The following CLTC variants were observed in gnomAD, a reference collection of about 807,000 sequenced individuals.
CLTC encodes the protein clathrin heavy chain 1.
Under a neutral mutation model 195.8 loss-of-function variants are expected in CLTC, and 16 were observed. The observed-to-expected ratio is 0.08, with a 90% CI of 0.06 to 0.12. CLTC has a LOEUF of 0.12. Ranked by LOEUF, CLTC falls within the 10% of genes least tolerant of loss-of-function variation. The pLI is 1.00. For missense variants in CLTC, 796 were observed against 2,027.0 expected, an observed-to-expected ratio of 0.39 and a Z score of 11.66; for synonymous variants, 667 against 689.4, an observed-to-expected ratio of 0.97 and a Z score of 0.51.
At position 59,666,380 on chromosome 17, in the gene CLTC, CT is replaced by C; in HGVS notation, c.1783-97del. ...GTAGCTATTATAATATTCTTTTGTA[CT>C]TTAACAGTTCACTATTAAACCTTAA... On this transcript the variant is annotated intron_variant, in intron 11 of 31. Transcript: ENST00000269122. The surrounding 1 kb of genome is among the most constrained non-coding windows in gnomAD (Gnocchi z 4.9). The C allele has an allele frequency of 6.7e-7, 1 of 1,486,868 alleles. No individual in the cohort carries two copies. Among genetic ancestry groups the C allele is most frequent in the Non-Finnish European group, 9.2e-7 (1 of 1,091,444 alleles). The allele number at this position is 1,486,868 out of a possible 1,614,324, so 92.1% of individuals were successfully genotyped here.
At chr17:59,671,487 C>T (rs2032846726) in intron 14 of CLTC, among the ~76,000 whole-genome samples, 1 of 152,072 alleles carries the variant, frequency 6.6e-6, no homozygotes, top group Non-Finnish European at 1.5e-5. Flanking sequence ...TGTGTGTTAG[C>T]CACCAGGAAT....
At chr17:59,684,241 G>A in intron 28 of CLTC, 1 of 341,530 alleles carries the variant, frequency 2.9e-6, no homozygotes, top group East Asian at 5.1e-5. Flanking sequence ...CTAGATTGTA[G>A]GTAGAGTCAA....
chr17:59,657,307 A>G (rs2032495005), intron 6 of CLTC, among the ~76,000 whole-genome samples: 1 of 152,122 alleles, frequency 6.6e-6, no homozygotes, highest in African/African-American at 2.4e-5. Flanking sequence ...CATTTACCAT[A>G]CTTATTAAAA....
chr17:59,662,714 C>T (rs907066), intron 8 of CLTC, among the ~76,000 whole-genome samples: 89,954 of 151,976 alleles, frequency 0.59, 29,267 homozygotes, highest in Non-Finnish European at 0.74. Context: ...ATTTGGGATA[C>T]TTGGACAGGA....
intron 1 of CLTC, among the ~76,000 whole-genome samples, chr17:59,640,920 A>G (rs892424796): frequency 4.6e-5 from 7 of 151,900 alleles, no homozygotes; most frequent in Admixed American, 2.0e-4. Context: ...AGAGATCGAG[A>G]CCATTCTGGC....
intron 1 of CLTC, among the ~76,000 whole-genome samples, chr17:59,620,965 A>G (rs1279914803): frequency 2.0e-5 from 3 of 152,030 alleles, no homozygotes; most frequent in Non-Finnish European, 2.9e-5. Flanking sequence ...TACAGAGGTT[A>G]TCTTTTAGTC....
rs756696768 is a variant in CLTC, at chr17:59,664,816, G to A, written c.1551G>A (p.Leu517=). Residue 517 remains leucine (L), a synonymous_variant, in exon 10 of 32, where the codon CTG becomes CTA. Transcript: ENST00000269122. ...GATACACTCCAGATTGGATATTTCTGCTGAGAAATGTAATGCGAATCAGTC... is the reference window on the plus strand; with the variant it reads ...GATACACTCCAGATTGGATATTTCTACTGAGAAATGTAATGCGAATCAGTC... ...KVGYTPDWIF[L]LRNVMRISPD... 6.2e-7 allele frequency: 1 copy of A among 1,614,022 alleles called. No individual in the cohort carries two copies. Among genetic ancestry groups the A allele is most frequent in the South Asian group, 1.1e-5 (1 of 91,078 alleles).
intron 28 of CLTC, chr17:59,684,197 G>GA: frequency 4.2e-6 from 2 of 472,658 alleles, no homozygotes; most frequent in Non-Finnish European, 7.5e-6. Context: ...TACTGCTTTT[G>GA]AAAAAAATGA....
At position 59,666,371 on chromosome 17, in the gene CLTC, T is replaced by C. The variant is rs1385013471; in HGVS notation, c.1783-109T>C. On this transcript the variant is annotated intron_variant, in intron 11 of 31. Coordinates refer to ENST00000269122, the MANE Select transcript of CLTC (RefSeq NM_004859.4). This position sits in a 1 kb window ranked among gnomAD's most constrained non-coding sequence, Gnocchi z 4.9. Reference sequence around the variant, plus strand: ...AAAGAAAATGTAGCTATTATAATATTCTTTTGTACTTTAACAGTTCACTAT... The same window carrying C: ...AAAGAAAATGTAGCTATTATAATATCCTTTTGTACTTTAACAGTTCACTAT... 2 of 1,483,952 alleles carry C rather than the reference T, an allele frequency of 1.3e-6. No homozygotes were observed. Among genetic ancestry groups the C allele is most frequent in the African/African-American group, 2.8e-5 (2 of 71,098 alleles). The allele number at this position is 1,483,952 out of a possible 1,614,324, so 91.9% of individuals were successfully genotyped here.
In CLTC at chr17:59,666,273, C is replaced by T; in HGVS notation, c.1782+33C>T. ...TTTTAATGCTTTTTAGGCATGTTTC[C>T]AACATTGTTTTAGTAATTGTGCAGC... On this transcript the variant is annotated intron_variant, in intron 11 of 31. Coordinates refer to ENST00000269122, the MANE Select transcript of CLTC (RefSeq NM_004859.4). This position sits in a 1 kb window ranked among gnomAD's most constrained non-coding sequence, Gnocchi z 4.9. 1 of 1,605,656 alleles carries T rather than the reference C, an allele frequency of 6.2e-7. No homozygotes were observed. The highest frequency in any genetic ancestry group is 8.5e-7 in the Non-Finnish European group (1 of 1,172,976).
At chr17:59,679,224 G>C in intron 17 of CLTC, 173 bp from the exon 18 acceptor site, 1 of 460,226 alleles carries the variant, frequency 2.2e-6, no homozygotes, top group Non-Finnish European at 3.8e-6. Flanking sequence ...GTATTACAAA[G>C]TCTATATAAT....
chr17:59,659,267 G>GA (rs1441261494), intron 6 of CLTC, among the ~76,000 whole-genome samples: 2 of 151,976 alleles, frequency 1.3e-5, no homozygotes, highest in Non-Finnish European at 2.9e-5. Flanking sequence ...TGGGGAATGG[G>GA]ATGGATGGGT....
Position 59,683,086 on chromosome 17 carries a change from CT to C in CLTC, c.3874-7del. ...TTCTTATCTTTAACTGCACATTTCT[CT>C]TGTTCAGGATCGTGGCTATTTTGAA... On this transcript the variant is annotated splice_region_variant and splice_polypyrimidine_tract_variant and intron_variant, in intron 24 of 31. Coordinates refer to ENST00000269122, the MANE Select transcript of CLTC (RefSeq NM_004859.4). This position sits in a 1 kb window ranked among gnomAD's most constrained non-coding sequence, Gnocchi z 6.1. 6.2e-7 allele frequency: 1 copy of C among 1,613,970 alleles called. No individual in the cohort carries two copies. The highest frequency in any genetic ancestry group is 8.5e-7 in the Non-Finnish European group (1 of 1,179,932).
Position 59,650,234 on chromosome 17 carries a change from A to T in CLTC, c.682-969A>T, listed in dbSNP as rs181998681. Reference sequence around the variant, plus strand: ...TGCAGCATTGGATATTTTAAACCAAAATGTTCTCATTTAGTTTATGGGATG... The same window carrying T: ...TGCAGCATTGGATATTTTAAACCAATATGTTCTCATTTAGTTTATGGGATG... On this transcript the variant is annotated intron_variant, in intron 4 of 31. Transcript: ENST00000269122. Among the ~76,000 whole-genome samples, 5 of 152,288 alleles carry T rather than the reference A, an allele frequency of 3.3e-5. No individual in the cohort carries two copies. In the East Asian group the frequency reaches 9.6e-4, roughly 29 times the overall value.
intron 7 of CLTC, 63 bp from the exon 8 acceptor site, chr17:59,661,380 G>T: frequency 7.6e-7 from 1 of 1,317,014 alleles, no homozygotes; most frequent in South Asian, 1.2e-5. Context: ...CACTTTCGAA[G>T]AGCGTTTAAC....
Position 59,619,948 on chromosome 17 carries a change from C to G in CLTC, c.-184C>G. 4 of 594,314 alleles carry G rather than the reference C, an allele frequency of 6.7e-6. No individual in the cohort carries two copies. The highest frequency in any genetic ancestry group is 2.8e-5 in the East Asian group (1 of 35,682). 36.8% of individuals were successfully genotyped at this position (594,314 alleles called of 1,614,324 possible). A position where few individuals can be genotyped will look rare whatever the true frequency, so the allele number is the denominator to read the frequency against. ...GGTTCCGCCATTGCGGCTCTCCTGG[C>G]CCCTGGAGCCTCCGCCCCCGACCCG... On this transcript the variant is annotated 5_prime_UTR_variant, in exon 1 of 32. Transcript: ENST00000269122.
chr17:59,689,022 T>G (rs377238709), intron 30 of CLTC: 2 of 152,172 alleles, frequency 1.3e-5, no homozygotes, highest in Admixed American at 6.6e-5. Flanking sequence ...TAAGTGTGGA[T>G]GCCAAAAAAT....
At position 59,648,101 on chromosome 17, in the gene CLTC, C is replaced by G; in HGVS notation, c.520-139C>G. On this transcript the variant is annotated intron_variant, in intron 3 of 31. Transcript: ENST00000269122. This position sits in a 1 kb window ranked among gnomAD's most constrained non-coding sequence, Gnocchi z 4.5. The stretch of plus-strand genomic sequence containing the variant: ...GATTTTAAGTTAAGAAGTATCAAAT[C>G]TACAGTGAGAGATGAAGTGACAAAT... 1.2e-6 allele frequency: 1 copy of G among 800,874 alleles called. No homozygotes were observed. The highest frequency in any genetic ancestry group is 2.9e-5 in the Admixed American group (1 of 35,008). The allele number at this position is 800,874 out of a possible 1,614,324, so 49.6% of individuals were successfully genotyped here. A position where few individuals can be genotyped will look rare whatever the true frequency, so the allele number is the denominator to read the frequency against.
At chr17:59,678,808 C>G (rs117224304) in intron 17 of CLTC, among the ~76,000 whole-genome samples, 89 of 151,884 alleles carry the variant, frequency 5.9e-4, no homozygotes, top group Admixed American at 2.0e-3. Flanking sequence ...TGAAACCAGC[C>G]TGGGCAACAT....
Sources: allele counts gnomAD v4.1 joint callset (sites outside exome capture counted in the v4.1 genomes callset), GRCh38; gene constraint gnomAD v4.1.1; non-coding constraint Gnocchi (gnomAD v3.1); transcripts MANE v1.5; gene names NCBI Gene and HGNC (gene_info 2026-07-23, HGNC 2026-07-21).